Variants in EPB41 observed in about 807,000 individuals in gnomAD.
EPB41 encodes the protein protein 4.1.
Under a neutral mutation model 108.0 loss-of-function variants are expected in EPB41, and 65 were observed. The observed-to-expected ratio is 0.60, with a 90% CI of 0.49 to 0.74. The LOEUF is 0.74. EPB41 is among the 30% of genes least tolerant of loss of function. The pLI, the probability that EPB41 is intolerant of heterozygous loss-of-function variation, is 0.00. For missense variants in EPB41, 875 were observed against 1,037.0 expected (o/e 0.84, Z 2.15); for synonymous variants, 336 against 358.9 (o/e 0.94, Z 0.72).
intron 11 of EPB41, chr1:29,041,612 T>C (rs887964371): frequency 6.6e-6 from 1 of 152,090 alleles, no homozygotes; most frequent in Admixed American, 6.5e-5. Context: ...CATGTTGTTA[T>C]GTGCATATAT....
intron 1 of EPB41, among the ~76,000 whole-genome samples, chr1:28,978,187 G>A (rs1337894852): frequency 6.6e-6 from 1 of 150,974 alleles, no homozygotes; most frequent in Non-Finnish European, 1.5e-5. Flanking sequence ...TCTTATGTTC[G>A]GCTTGTTTTT....
chr1:29,072,474 T>G (rs1651918968), intron 16 of EPB41: 1 of 152,232 alleles, frequency 6.6e-6, no homozygotes, highest in African/African-American at 2.4e-5. Context: ...GTTTTCATCC[T>G]TATACACAGC....
At position 29,071,933 on chromosome 1, in the gene EPB41, T is replaced by G. The variant is rs552222342; in HGVS notation, c.2184+6775T>G. ...GATGAAACTTCTAAACAAGACTTTT[T>G]GTTTTTGAGAAGATGGCCTCTTAGA... On this transcript the variant is annotated intron_variant, in intron 16 of 20. Transcript: ENST00000343067. 4.6e-5 allele frequency: 7 copies of G among 152,344 alleles called. No homozygotes were observed. In the East Asian group the frequency reaches 1.2e-3, roughly 25 times the overall value. 9.4% of individuals were successfully genotyped at this position (152,344 alleles called of 1,614,324 possible).
chr1:28,910,621 C>G (rs2092191319), upstream of EPB41, among the ~76,000 whole-genome samples: 1 of 152,200 alleles, frequency 6.6e-6, no homozygotes. Flanking sequence ...TCTACACTCC[C>G]TGGCCTTCCC....
At chr1:29,108,541 G>T (rs1310447281) in intron 17 of EPB41, among the ~76,000 whole-genome samples, 1 of 151,668 alleles carries the variant, frequency 6.6e-6, no homozygotes, top group African/African-American at 2.4e-5. Context: ...TGTGCCCAGG[G>T]AATTTATTTT....
At chr1:29,052,371 C>G (rs911326720) in intron 11 of EPB41, among the ~76,000 whole-genome samples, 3 of 152,148 alleles carry the variant, frequency 2.0e-5, no homozygotes, top group African/African-American at 7.2e-5. Context: ...AACCACTGCC[C>G]TAAACATATT....
rs1274576782 is a variant in EPB41 at position 29,060,462 on chromosome 1, G to A, written c.1985G>A (p.Arg662Lys). ...CTAGATGGTGAAAACATTTATATCAGACATAGCAATTTAATGTTGGAGGTT... is the reference window on the plus strand; with the variant it reads ...CTAGATGGTGAAAACATTTATATCAAACATAGCAATTTAATGTTGGAGGTT... ...ERLDGENIYI[R>K]HSNLMLEDLD... Residue 662 changes from arginine (R) to lysine (K), a missense_variant, in exon 15 of 21, where the codon AGA becomes AAA. Transcript: ENST00000343067. 6.2e-7 allele frequency: 1 copy of A among 1,613,366 alleles called. No homozygotes were observed. The highest frequency in any genetic ancestry group is 2.2e-5 in the East Asian group (1 of 44,854).
At chr1:29,069,287 T>C in intron 16 of EPB41, 1 of 1,231,664 alleles carries the variant, frequency 8.1e-7, no homozygotes, top group Non-Finnish European at 1.0e-6. Context: ...AAGTTTTTCC[T>C]TTCATAGATA....
intron 16 of EPB41, chr1:29,065,386 A>C: frequency 1.7e-6 from 1 of 575,520 alleles, no homozygotes. Context: ...GTAGATGATT[A>C]GCCTCTGAGA....
intron 16 of EPB41, among the ~76,000 whole-genome samples, chr1:29,095,737 A>T (rs1573884051): frequency 1.3e-5 from 2 of 151,696 alleles, no homozygotes; most frequent in African/African-American, 2.4e-5. Context: ...AGGCCACTGC[A>T]CTCCAGCCTG....
intron 4 of EPB41, among the ~76,000 whole-genome samples, chr1:29,006,273 G>A (rs1457714880): frequency 7.7e-6 from 1 of 130,482 alleles, no homozygotes; most frequent in African/African-American, 2.9e-5. Context: ...GTCTCGCTCT[G>A]TCGCCTAGGC....
intron 17 of EPB41, among the ~76,000 whole-genome samples, chr1:29,099,268 T>TA (rs1219575690): frequency 0.14 from 17,058 of 122,154 alleles, 1,707 homozygotes; most frequent in African/African-American, 0.29. Flanking sequence ...TCCACTGCAT[T>TA]AAAAAAAAAA....
Position 28,920,020 on chromosome 1 carries a change from G to C in EPB41, c.-8+5252G>C, listed in dbSNP as rs188053187. Reference sequence around the variant, plus strand: ...GCCCTCAACTCTCAGGGTGATCTCTGCTTGTGGAGATTAAAATTGTTTCTA... The same window carrying C: ...GCCCTCAACTCTCAGGGTGATCTCTCCTTGTGGAGATTAAAATTGTTTCTA... On this transcript the variant is annotated intron_variant, in intron 1 of 20. Coordinates refer to ENST00000343067, the MANE Select transcript of EPB41 (RefSeq NM_001376013.1). 1.4e-4 allele frequency among the ~76,000 whole-genome samples: 21 copies of C among 152,176 alleles called. No individual in the cohort carries two copies. In the East Asian group the frequency reaches 3.7e-3, roughly 27 times the overall value.
intron 11 of EPB41, among the ~76,000 whole-genome samples, chr1:29,045,870 G>GA (rs967752157): frequency 6.0e-5 from 9 of 150,208 alleles, no homozygotes; most frequent in African/African-American, 2.0e-4. Flanking sequence ...CAACTACATG[G>GA]AAGGCTGAGG....
intron 5 of EPB41, among the ~76,000 whole-genome samples, chr1:29,014,164 A>G (rs2096546891): frequency 6.6e-6 from 1 of 151,926 alleles, no homozygotes; most frequent in Non-Finnish European, 1.5e-5. Flanking sequence ...TTAAAATACA[A>G]AAATTAGCTG....
upstream of EPB41, among the ~76,000 whole-genome samples, chr1:28,912,609 T>G (rs952573845): frequency 6.6e-6 from 1 of 152,076 alleles, no homozygotes; most frequent in Non-Finnish European, 1.5e-5. Context: ...ACTCATTTAA[T>G]TCTGTTTTCC....
intron 1 of EPB41, among the ~76,000 whole-genome samples, chr1:28,894,410 G>A (rs1385215989): frequency 6.6e-6 from 1 of 152,222 alleles, no homozygotes; most frequent in Admixed American, 6.5e-5. Flanking sequence ...CTCAGTGAAT[G>A]TGAATTCCCT....
intron 19 of EPB41, among the ~76,000 whole-genome samples, chr1:29,114,615 C>T (rs1222576840): frequency 2.9e-5 from 4 of 139,616 alleles, no homozygotes; most frequent in Non-Finnish European, 6.0e-5. Flanking sequence ...TGCACTCCAG[C>T]CTGGGCAGTG....
intron 1 of EPB41, among the ~76,000 whole-genome samples, chr1:28,930,357 G>A (rs1421915720): frequency 2.7e-5 from 4 of 150,866 alleles, no homozygotes; most frequent in East Asian, 3.9e-4. Context: ...TTATAGAAAC[G>A]GGGTCTTGTC....
Sources: allele counts gnomAD v4.1 joint callset (sites outside exome capture counted in the v4.1 genomes callset), GRCh38; gene constraint gnomAD v4.1.1; transcripts MANE v1.5; gene names NCBI Gene and HGNC (gene_info 2026-07-23, HGNC 2026-07-21).